The following AMZ2 variants were observed in gnomAD, a reference collection of about 807,000 sequenced individuals.
AMZ2 encodes archaelysin family metallopeptidase 2.
Under a neutral mutation model 36.7 loss-of-function variants are expected in AMZ2, and 26 were observed. The observed-to-expected ratio is 0.71, with a 90% CI of 0.52 to 0.98. AMZ2 has a LOEUF of 0.98. Ranked by LOEUF, AMZ2 falls within the 50% of genes least tolerant of loss-of-function variation. AMZ2 has a pLI of 0.00. For missense variants in AMZ2, 394 were observed against 430.5 expected, an observed-to-expected ratio of 0.92 and a Z score of 0.75; for synonymous variants, 144 against 149.1, an observed-to-expected ratio of 0.97 and a Z score of 0.25.
chr17:68,236,064 A>G (rs576653905), intron 1 of AMZ2, among the ~76,000 whole-genome samples: 1 of 152,102 alleles, frequency 6.6e-6, no homozygotes, highest in East Asian at 1.9e-4. Context: ...TCCTAACCTC[A>G]GGTGATCCAC....
chr17:68,224,607 G>A (rs1200332323), intron 1 of AMZ2, among the ~76,000 whole-genome samples: 2 of 149,918 alleles, frequency 1.3e-5, no homozygotes, highest in African/African-American at 2.5e-5. Context: ...GTACACTGGT[G>A]CAGTCATAGC....
chr17:68,241,709 A>T (rs1483157171), intron 1 of AMZ2, among the ~76,000 whole-genome samples: 1 of 151,380 alleles, frequency 6.6e-6, no homozygotes. Context: ...ACATATAGTA[A>T]TTTTATTATT....
At chr17:68,221,504 C>T (rs1322691310) in intron 1 of AMZ2, among the ~76,000 whole-genome samples, 1 of 151,916 alleles carries the variant, frequency 6.6e-6, no homozygotes, top group African/African-American at 2.4e-5. Flanking sequence ...CCGAGGCAGG[C>T]GGACCACGAG....
intron 1 of AMZ2, among the ~76,000 whole-genome samples, chr17:68,208,950 G>A (rs536372675): frequency 1.9e-4 from 29 of 152,296 alleles, no homozygotes; most frequent in African/African-American, 7.0e-4. Flanking sequence ...CCGCCTTTAA[G>A]AACTGTGACA....
chr17:68,242,047 A>G (rs66547963), intron 1 of AMZ2, among the ~76,000 whole-genome samples: 15,141 of 151,918 alleles, frequency 0.1, 861 homozygotes, highest in Non-Finnish European at 0.12. Flanking sequence ...CCCGGTCCAT[A>G]TAGTAATTTT....
At position 68,250,398 on chromosome 17, in the gene AMZ2, G is replaced by A; in HGVS notation, c.211G>A (p.Glu71Lys). Residue 71 changes from glutamate (E) to lysine (K), a missense_variant, in exon 2 of 7, where the codon GAA (glutamate) becomes AAA (lysine). Glu to Lys is a moderately conservative substitution (Grantham distance 56). Transcript: ENST00000359904. ...CCACCCTGAGGCTCCCCAAGACTTTGAACAGTTCTTCAGTGATCCTTACAG... is the reference window on the plus strand; with the variant it reads ...CCACCCTGAGGCTCCCCAAGACTTTAAACAGTTCTTCAGTGATCCTTACAG... ...TSHPEAPQDF[E>K]QFFSDPYRKT... The A allele has an allele frequency of 6.2e-7, 1 of 1,614,132 alleles. No homozygotes were observed. Among genetic ancestry groups the A allele is most frequent in the Non-Finnish European group, 8.5e-7 (1 of 1,180,020 alleles).
At chr17:68,206,210 G>A in exon 1 of AMZ2, 1 of 1,303,828 alleles carries the variant, frequency 7.7e-7, no homozygotes, top group Non-Finnish European at 9.8e-7. Flanking sequence ...GCAGCTTCAG[G>A]AGCCATAGTA....
intron 1 of AMZ2, chr17:68,249,754 C>G (rs544979411): frequency 6.0e-6 from 1 of 168,044 alleles, no homozygotes; most frequent in East Asian, 1.8e-4. Flanking sequence ...TCAAGTGATT[C>G]TCCTGTCTCA....
chr17:68,255,477 A>G (rs1198304280), intron 5 of AMZ2, among the ~76,000 whole-genome samples: 4 of 152,216 alleles, frequency 2.6e-5, no homozygotes, highest in Non-Finnish European at 2.9e-5. Flanking sequence ...TCGGTCCAAC[A>G]TGTCAGCGAT....
chr17:68,219,238 G>T (rs763553314), intron 1 of AMZ2, among the ~76,000 whole-genome samples: 73 of 152,230 alleles, frequency 4.8e-4, no homozygotes, highest in Middle Eastern at 3.4e-3. Flanking sequence ...GTGCTGAGAT[G>T]ACAGGTGTGA....
chr17:68,235,597 C>G lies in AMZ2; in HGVS notation c.-66-13043C>G, dbSNP rs2073767519. Among the ~76,000 whole-genome samples the G allele has an allele frequency of 6.6e-6, 1 of 152,052 alleles. No homozygotes were observed. Among genetic ancestry groups the G allele is most frequent in the African/African-American group, 2.4e-5 (1 of 41,408 alleles). On this transcript the variant is annotated intron_variant, in intron 1 of 7. Transcript: ENST00000674770. The surrounding 1 kb of genome is among the most constrained non-coding windows in gnomAD (Gnocchi z 4.2). The stretch of plus-strand genomic sequence containing the variant: ...CCTATCCGGGACAGCCTCAATCCCT[C>G]AGGGCCCCTCTCGGTGCCTGCTTGG...
intron 1 of AMZ2, among the ~76,000 whole-genome samples, chr17:68,213,478 A>C (rs4500804): frequency 0.23 from 35,190 of 152,158 alleles, 4,350 homozygotes; most frequent in South Asian, 0.29. Flanking sequence ...CAGAGCAGGG[A>C]ATGGAAAGGA....
intron 1 of AMZ2, among the ~76,000 whole-genome samples, chr17:68,224,217 A>G (rs1259958471): frequency 7.2e-5 from 11 of 152,266 alleles, no homozygotes; most frequent in Admixed American, 4.6e-4. Flanking sequence ...TGCTGGGATT[A>G]CAGGCGTGAG....
At chr17:68,217,208 G>A (rs1188269205) in intron 1 of AMZ2, among the ~76,000 whole-genome samples, 2 of 142,144 alleles carry the variant, frequency 1.4e-5, no homozygotes, top group Non-Finnish European at 3.1e-5. Flanking sequence ...GCAAACCTTT[G>A]AAATCACATG....
At position 68,250,444 on chromosome 17, in the gene AMZ2, A is replaced by G; in HGVS notation, c.257A>G (p.Lys86Arg). 6.2e-7 allele frequency: 1 copy of G among 1,614,090 alleles called. No homozygotes were observed. The highest frequency in any genetic ancestry group is 8.5e-7 in the Non-Finnish European group (1 of 1,180,018). Reference protein sequence around the residue: ...DPYRKTPSPNKRSIYIQSIGS... With the variant: ...DPYRKTPSPNRRSIYIQSIGS... ...TACAGAAAGACACCCTCTCCAAACA[A>G]ACGCAGCATTTATATACAGTCCATT... is the stretch of plus-strand genomic sequence containing the variant. Residue 86 changes from lysine to arginine, a missense_variant, in exon 2 of 7, where the codon AAA (lysine) becomes AGA (arginine). Transcript: ENST00000359904.
intron 1 of AMZ2, among the ~76,000 whole-genome samples, chr17:68,238,292 C>G (rs2073832006): frequency 1.3e-5 from 2 of 152,042 alleles, no homozygotes; most frequent in Admixed American, 6.6e-5. Flanking sequence ...AACAATCCTC[C>G]CACCTCAGCC....
chr17:68,211,746 G>GTA (rs1392432414), intron 1 of AMZ2, among the ~76,000 whole-genome samples: 3,464 of 134,442 alleles, frequency 0.026, 86 homozygotes, highest in African/African-American at 0.055. Flanking sequence ...ATGTGTATAT[G>GTA]TATATATGTA....
chr17:68,220,720 C>T (rs1224318474), intron 1 of AMZ2, among the ~76,000 whole-genome samples: 3 of 151,702 alleles, frequency 2.0e-5, no homozygotes, highest in African/African-American at 7.3e-5. Flanking sequence ...TCCAACCCTT[C>T]AGAGAAAGGC....
At chr17:68,255,469 G>A (rs1393290441) in intron 5 of AMZ2, among the ~76,000 whole-genome samples, 1 of 152,126 alleles carries the variant, frequency 6.6e-6, no homozygotes, top group Non-Finnish European at 1.5e-5. Flanking sequence ...TGGTATTATC[G>A]GTCCAACATG....
Sources: allele counts gnomAD v4.1 joint callset (sites outside exome capture counted in the v4.1 genomes callset), GRCh38; gene constraint gnomAD v4.1.1; non-coding constraint Gnocchi (gnomAD v3.1); transcripts MANE v1.5; gene names NCBI Gene and HGNC (gene_info 2026-07-23, HGNC 2026-07-21).